SEC24B: variants seen among roughly 807,000 people sequenced by gnomAD.
SEC24B encodes the protein protein transport protein Sec24B.
In SEC24B, 45 loss-of-function variants were observed where a neutral mutation model predicts 142.8. The ratio of observed to expected loss-of-function variants is 0.32; its 90% CI spans 0.25 to 0.40. The LOEUF (loss-of-function observed/expected upper bound fraction) is 0.40. Among genes scored for constraint, SEC24B ranks in the 10% least tolerant of loss-of-function variants. The pLI is 1.00. For synonymous variants in SEC24B, 574 were observed against 568.2 expected, an observed-to-expected ratio of 1.01 and a Z score of -0.15; for missense variants, 1,409 against 1,526.8, an observed-to-expected ratio of 0.92 and a Z score of 1.29.
At chr4:109,501,261 A>G (rs1050235548) in intron 6 of SEC24B, among the ~76,000 whole-genome samples, 1 of 152,232 alleles carries the variant, frequency 6.6e-6, no homozygotes, top group Non-Finnish European at 1.5e-5. Flanking sequence ...CCTAGGAGCA[A>G]TAGGCTATAT....
intron 8 of SEC24B, among the ~76,000 whole-genome samples, chr4:109,511,327 T>A (rs1355565806): frequency 6.6e-6 from 1 of 152,046 alleles, no homozygotes; most frequent in Non-Finnish European, 1.5e-5. Flanking sequence ...ATAATAATAA[T>A]CATATATGTG....
At chr4:109,481,493 A>T (rs77852390) in intron 3 of SEC24B, among the ~76,000 whole-genome samples, 184 bp from the exon 4 acceptor site, 253 of 152,370 alleles carry the variant, frequency 1.7e-3, no homozygotes, top group African/African-American at 5.6e-3. Flanking sequence ...TGCTTTTACT[A>T]AACTGCTTTG....
intron 1 of SEC24B, among the ~76,000 whole-genome samples, chr4:109,448,945 T>A (rs7677736): frequency 0.12 from 17,747 of 151,868 alleles, 3,433 homozygotes; most frequent in African/African-American, 0.4. Flanking sequence ...TTTTTTTTTT[T>A]TTCCAATGAC....
intron 20 of SEC24B, among the ~76,000 whole-genome samples, 158 bp from the exon 21 acceptor site, chr4:109,532,481 C>G (rs190321500): frequency 6.6e-6 from 1 of 152,080 alleles, no homozygotes. Context: ...TGTGTTGATT[C>G]TACAGCCAAG....
rs142286329 is a variant in SEC24B, at chr4:109,505,197, A to G, written c.1489-1131A>G. Among the ~76,000 whole-genome samples the G allele has an allele frequency of 3.9e-3, 594 of 152,210 alleles. 11 individuals are homozygous for G. Among genetic ancestry groups the G allele is most frequent in the Non-Finnish European group, 5.0e-4 (34 of 67,946 alleles). ...TTTACTCAAAAACCAAAAAGATTAAAAATGATCCTTAAATATGAAAAACAA... is the reference window on the plus strand; with the variant it reads ...TTTACTCAAAAACCAAAAAGATTAAGAATGATCCTTAAATATGAAAAACAA... On this transcript the variant is annotated intron_variant, in intron 6 of 23. Transcript: ENST00000265175.
intron 4 of SEC24B, among the ~76,000 whole-genome samples, chr4:109,487,806 A>G (rs2125995799): frequency 6.6e-6 from 1 of 152,312 alleles, no homozygotes; most frequent in East Asian, 1.9e-4. Context: ...TTTTCTTCTG[A>G]AAGTGAATTT....
intron 4 of SEC24B, among the ~76,000 whole-genome samples, chr4:109,487,664 G>A (rs1247716155): frequency 6.6e-6 from 1 of 152,154 alleles, no homozygotes; most frequent in Non-Finnish European, 1.5e-5. Flanking sequence ...TGATTAATGC[G>A]TTACTTAGAA....
chr4:109,511,178 G>A (rs989109167), intron 8 of SEC24B, among the ~76,000 whole-genome samples: 1 of 151,604 alleles, frequency 6.6e-6, no homozygotes, highest in African/African-American at 2.4e-5. Context: ...AGATATACAT[G>A]ATACCTTCTG....
rs762745194 is a variant in SEC24B at position 109,494,648 on chromosome 4, C to G, written c.1280C>G (p.Pro427Arg). The change falls in exon 6 of 24, where the codon CCT (proline) becomes CGT (arginine). Residue 427 changes from proline (P) to arginine (R), a missense_variant. Physicochemically the swap from Pro to Arg is moderately radical, Grantham distance 103. Transcript: ENST00000265175. ...TCTTCATCAGCAAGCAGTCCTGCTC[C>G]TGATCCCGCCCCTGAACCTGATCCT... Reference protein sequence around the residue: ...MLSSSASSPAPDPAPEPDPAS... With the variant: ...MLSSSASSPARDPAPEPDPAS... The G allele has an allele frequency of 9.5e-5, 154 of 1,613,982 alleles. No homozygotes were observed. In the Middle Eastern group the frequency reaches 2.3e-3, roughly 24 times the overall value.
intron 6 of SEC24B, among the ~76,000 whole-genome samples, chr4:109,498,608 C>T (rs1406405268): frequency 2.6e-5 from 4 of 152,322 alleles, no homozygotes; most frequent in Admixed American, 1.3e-4. Context: ...TCGTTATCTG[C>T]CCGCCTTGGC....
chr4:109,534,363 G>A (rs1725267599), intron 22 of SEC24B, among the ~76,000 whole-genome samples: 1 of 151,978 alleles, frequency 6.6e-6, no homozygotes, highest in African/African-American at 2.4e-5. Flanking sequence ...GAGGCAGGCA[G>A]ATCACAAAGT....
chr4:109,485,201 T>G (rs1034830053), intron 4 of SEC24B, among the ~76,000 whole-genome samples: 2 of 152,250 alleles, frequency 1.3e-5, no homozygotes, highest in African/African-American at 2.4e-5. Flanking sequence ...TCAGAAAGAT[T>G]AGCTGTCATT....
At chr4:109,526,612 G>C (rs1030670774) in intron 17 of SEC24B, among the ~76,000 whole-genome samples, 1 of 152,074 alleles carries the variant, frequency 6.6e-6, no homozygotes, top group African/African-American at 2.4e-5. Flanking sequence ...TGGAAGACTT[G>C]TATTCTTAGA....
At chr4:109,519,287 A>T (rs1305578821) in intron 11 of SEC24B, among the ~76,000 whole-genome samples, 1 of 152,210 alleles carries the variant, frequency 6.6e-6, no homozygotes, top group African/African-American at 2.4e-5. Context: ...ACTGAGAGAG[A>T]TGATTGACAA....
At chr4:109,457,660 G>A (rs955661236) in intron 1 of SEC24B, among the ~76,000 whole-genome samples, 1 of 152,012 alleles carries the variant, frequency 6.6e-6, no homozygotes. Context: ...TAGCAGTCAT[G>A]CTCCTTCTGT....
chr4:109,518,404 A>C (rs1335309145), intron 11 of SEC24B, among the ~76,000 whole-genome samples: 2 of 152,166 alleles, frequency 1.3e-5, no homozygotes, highest in Non-Finnish European at 2.9e-5. Context: ...AGTGGTTCTC[A>C]ACATCTGTCG....
In SEC24B at chr4:109,506,517, GTATT is replaced by G; in HGVS notation, c.1673+15_1673+18del. On this transcript the variant is annotated splice_donor_region_variant and intron_variant, in intron 7 of 23. Transcript: ENST00000265175. ...AAAATTAAACTGTAGCCCAGAGTAG[GTATT>G]TATTTATTTTATAATCTTTCTTAAG... The G allele has an allele frequency of 1.4e-6, 2 of 1,474,734 alleles. No individual in the cohort carries two copies. Among genetic ancestry groups the G allele is most frequent in the Non-Finnish European group, 1.8e-6 (2 of 1,110,288 alleles). 91.4% of individuals were successfully genotyped at this position (1,474,734 alleles called of 1,614,324 possible). A position where few individuals can be genotyped will look rare whatever the true frequency, so the allele number is the denominator to read the frequency against.
intron 5 of SEC24B, among the ~76,000 whole-genome samples, chr4:109,493,654 A>G (rs553148682): frequency 2.5e-3 from 375 of 149,456 alleles, no homozygotes; most frequent in Non-Finnish European, 4.5e-3. Flanking sequence ...TTTGAGACAG[A>G]GTCTCGCCCT....
intron 7 of SEC24B, among the ~76,000 whole-genome samples, chr4:109,509,651 T>G (rs1198428596): frequency 9.8e-5 from 13 of 133,062 alleles, no homozygotes; most frequent in Non-Finnish European, 1.8e-4. Context: ...CACTCCAGCC[T>G]GGGCGACAGA....
Sources: gnomAD v4.1 joint callset for allele counts (sites outside exome capture counted in the v4.1 genomes callset) on GRCh38, gnomAD v4.1.1 for gene constraint, MANE v1.5 for transcripts, NCBI Gene and HGNC (gene_info 2026-07-23, HGNC 2026-07-21) for gene names.